KALRN: variants seen among roughly 807,000 people sequenced by gnomAD.
The protein encoded by KALRN is kalirin RhoGEF kinase, also known as kalirin.
Under a neutral mutation model 353.7 loss-of-function variants are expected in KALRN, and 70 were observed. The observed-to-expected ratio is 0.20, with a 90% confidence interval of 0.16 to 0.24. KALRN has a LOEUF of 0.24. Ranked by LOEUF, KALRN falls within the 10% of genes least tolerant of loss-of-function variation. KALRN has a pLI of 1.00. For missense variants in KALRN, 2,791 were observed against 3,756.7 expected (o/e 0.74, Z 6.72); for synonymous variants, 1,391 against 1,434.8 (o/e 0.97, Z 0.69).
At position 124,439,190 on chromosome 3, in the gene KALRN, T is replaced by TCA. The variant is rs1173931984; in HGVS notation, c.3198+154_3198+155insAC. On this transcript the variant is annotated intron_variant, in intron 18 of 59. Coordinates refer to ENST00000682506, the MANE Select transcript of KALRN (RefSeq NM_001388419.1). ...CTCCTCCTCCTCCTTCTTCTCCTTC[T>TCA]CTCTCTCTCTCACACACACACACAC... Among the ~76,000 whole-genome samples, 456 of 58,132 alleles carry TCA rather than the reference T, an allele frequency of 7.8e-3. 3 individuals carry two copies. The highest frequency in any genetic ancestry group is 0.047 in the Middle Eastern group (7 of 150). 38.1% of individuals were successfully genotyped at this position (58,132 alleles called of 152,430 possible). A position where few individuals can be genotyped will look rare whatever the true frequency, so the allele number is the denominator to read the frequency against.
At chr3:124,256,240 C>T (rs1002711743) in intron 3 of KALRN, among the ~76,000 whole-genome samples, 1 of 152,124 alleles carries the variant, frequency 6.6e-6, no homozygotes, top group Non-Finnish European at 1.5e-5. Flanking sequence ...AAAGCTTGGC[C>T]TGGGGTTGTC....
At chr3:124,343,325 T>A in intron 9 of KALRN, among the ~76,000 whole-genome samples, 1 of 152,022 alleles carries the variant, frequency 6.6e-6, no homozygotes, top group East Asian at 1.9e-4. Context: ...GCCTGGCAAT[T>A]TTTTTTGTAT....
intron 33 of KALRN, among the ~76,000 whole-genome samples, chr3:124,541,372 C>T (rs2069007855): frequency 6.6e-6 from 1 of 151,912 alleles, no homozygotes; most frequent in African/African-American, 2.4e-5. Flanking sequence ...ATTGCTTGAA[C>T]CCAGGAGGCG....
At chr3:124,070,032 A>G (rs577198920) in intron 1 of KALRN, among the ~76,000 whole-genome samples, 2 of 152,354 alleles carry the variant, frequency 1.3e-5, no homozygotes, top group African/African-American at 2.4e-5. Flanking sequence ...ATGTACCACA[A>G]CAAGATAAAA....
intron 1 of KALRN, among the ~76,000 whole-genome samples, chr3:124,131,814 A>G (rs1219925466): frequency 6.6e-6 from 1 of 152,200 alleles, no homozygotes; most frequent in East Asian, 1.9e-4. Context: ...TGCCCTGTTT[A>G]GACAACCCAG....
chr3:124,214,029 C>G (rs1176861350), intron 1 of KALRN, among the ~76,000 whole-genome samples: 4 of 152,226 alleles, frequency 2.6e-5, no homozygotes, highest in Non-Finnish European at 5.9e-5. Flanking sequence ...GGAATTTGCT[C>G]TTTTCCAATT....
chr3:124,573,224 C>T (rs1338874933), intron 34 of KALRN, among the ~76,000 whole-genome samples: 1 of 152,028 alleles, frequency 6.6e-6, no homozygotes, highest in Non-Finnish European at 1.5e-5. Flanking sequence ...GATTGCACAA[C>T]TGCACTCCAG....
At chr3:124,477,912 G>A (rs1429976330) in intron 27 of KALRN, among the ~76,000 whole-genome samples, 3 of 152,192 alleles carry the variant, frequency 2.0e-5, no homozygotes, top group East Asian at 3.8e-4. Flanking sequence ...CTGAGCATTG[G>A]GATATTTTAA....
chr3:124,606,534 G>A (rs2077368121), intron 34 of KALRN, among the ~76,000 whole-genome samples: 1 of 152,114 alleles, frequency 6.6e-6, no homozygotes, highest in South Asian at 2.1e-4. Flanking sequence ...AACCATAAAA[G>A]ACAAATATAA....
At chr3:124,155,170 G>C (rs1053372655) in intron 1 of KALRN, among the ~76,000 whole-genome samples, 1 of 152,032 alleles carries the variant, frequency 6.6e-6, no homozygotes, top group African/African-American at 2.4e-5. Context: ...AAGAAAACCT[G>C]GCCATTACCA....
chr3:124,715,980 TATTA>T (rs1287469486), intron 58 of KALRN, among the ~76,000 whole-genome samples: 1 of 152,028 alleles, frequency 6.6e-6, no homozygotes, highest in Admixed American at 6.6e-5. Context: ...TATATGATAA[TATTA>T]ATTCATTATA....
Position 124,623,427 on chromosome 3 carries a change from C to CA in KALRN, c.5183-8989dup, listed in dbSNP as rs1554055242. Reference sequence around the variant, plus strand: ...ACACACACACACACACACACACACACAAAAGGGAGTTTATTAACTCACATG... The same window carrying CA: ...ACACACACACACACACACACACACACAAAAAGGGAGTTTATTAACTCACATG... On this transcript the variant is annotated intron_variant, in intron 34 of 59. Transcript: ENST00000682506. 2.7e-3 allele frequency among the ~76,000 whole-genome samples: 394 copies of CA among 147,128 alleles called. 1 individual carries two copies. The highest frequency in any genetic ancestry group is 4.2e-3 in the Non-Finnish European group (280 of 66,444).
intron 18 of KALRN, among the ~76,000 whole-genome samples, 199 bp downstream of exon 18, chr3:124,439,236 ACG>A (rs1553969794): frequency 3.5e-5 from 5 of 143,794 alleles, no homozygotes; most frequent in African/African-American, 1.3e-4. Flanking sequence ...ACACACACAC[ACG>A]CAGCTTCAAA....
chr3:124,224,591 T>C (rs569655711), intron 1 of KALRN, among the ~76,000 whole-genome samples: 4 of 152,266 alleles, frequency 2.6e-5, no homozygotes, highest in South Asian at 2.1e-4. Context: ...TTAAGCCTCA[T>C]TGAAGTTCTT....
chr3:124,685,480 T>A (rs2061516965), intron 51 of KALRN, among the ~76,000 whole-genome samples: 1 of 152,192 alleles, frequency 6.6e-6, no homozygotes, highest in South Asian at 2.1e-4. Context: ...AAAGAGCAAG[T>A]CTTGATGGTG....
intron 9 of KALRN, among the ~76,000 whole-genome samples, chr3:124,336,438 C>G (rs2081145736): frequency 1.3e-5 from 2 of 152,158 alleles, no homozygotes; most frequent in Admixed American, 6.5e-5. Flanking sequence ...TCAGTGAACT[C>G]TCCATTACTC....
intron 13 of KALRN, chr3:124,410,157 G>A: frequency 1.9e-6 from 1 of 521,952 alleles, no homozygotes; most frequent in South Asian, 1.5e-5. Context: ...AGACCTCTGA[G>A]ATCACTCTCT....
chr3:124,340,073 A>G (rs989881974), intron 9 of KALRN, among the ~76,000 whole-genome samples: 2 of 152,196 alleles, frequency 1.3e-5, no homozygotes, highest in African/African-American at 4.8e-5. Flanking sequence ...ACACAGCAGC[A>G]AATCAAATGA....
intron 1 of KALRN, among the ~76,000 whole-genome samples, chr3:124,079,011 G>C (rs2060402775): frequency 6.6e-6 from 1 of 152,126 alleles, no homozygotes; most frequent in African/African-American, 2.4e-5. Context: ...GTCAGGGTGG[G>C]GCCTATTCTG....
Sources: allele counts gnomAD v4.1 joint callset (sites outside exome capture counted in the v4.1 genomes callset), GRCh38; gene constraint gnomAD v4.1.1; transcripts MANE v1.5; gene names NCBI Gene and HGNC (gene_info 2026-07-23, HGNC 2026-07-21).